Variants in DOP1B observed in about 807,000 individuals in gnomAD.
DOP1B encodes the protein DOP1 leucine zipper like protein B.
Under a neutral mutation model 233.5 loss-of-function variants are expected in DOP1B, and 174 were observed. The observed-to-expected ratio is 0.75, with a 90% CI of 0.66 to 0.85. The LOEUF is 0.85. DOP1B is among the 40% of genes least tolerant of loss of function. The pLI, the probability that DOP1B is intolerant of heterozygous loss-of-function variation, is 0.00. For synonymous variants in DOP1B, 1,190 were observed against 1,185.6 expected, an observed-to-expected ratio of 1.00 and a Z score of -0.08; for missense variants, 2,652 against 2,846.6, an observed-to-expected ratio of 0.93 and a Z score of 1.56.
At chr21:36,204,276 T>A (rs2066403765) in intron 4 of DOP1B, among the ~76,000 whole-genome samples, 1 of 152,222 alleles carries the variant, frequency 6.6e-6, no homozygotes, top group African/African-American at 2.4e-5. Flanking sequence ...AAACCCTGGC[T>A]TAAAGAGTTG....
chr21:36,176,394 C>T (rs2066031094), intron 2 of DOP1B, among the ~76,000 whole-genome samples: 1 of 152,142 alleles, frequency 6.6e-6, no homozygotes, highest in Non-Finnish European at 1.5e-5. Flanking sequence ...GCCCTGCCAG[C>T]CTCCTTGTGT....
Position 36,236,085 on chromosome 21 carries a change from C to T in DOP1B, c.2623-1177C>T, listed in dbSNP as rs554885592. On this transcript the variant is annotated intron_variant, in intron 15 of 36. Coordinates refer to ENST00000691173, the MANE Select transcript of DOP1B (RefSeq NM_001320714.2). ...GATCTAAGTTATGCCTAAAATACTC[C>T]AGTCTATGAGATATAAACTTCATAT... 2.0e-5 allele frequency among the ~76,000 whole-genome samples: 3 copies of T among 152,230 alleles called. No individual in the cohort carries two copies. In the South Asian group the frequency reaches 6.2e-4, roughly 32 times the overall value.
At chr21:36,260,637 C>T in intron 23 of DOP1B, 40 bp from the exon 24 acceptor site, 1 of 1,611,748 alleles carries the variant, frequency 6.2e-7, no homozygotes, top group Non-Finnish European at 8.5e-7. Context: ...AGCCTTATTT[C>T]CCACCAACTC....
intron 9 of DOP1B, 136 bp downstream of exon 9, chr21:36,214,692 C>T (rs561307798): frequency 7.2e-6 from 6 of 831,130 alleles, no homozygotes; most frequent in Non-Finnish European, 1.1e-5. Context: ...ACTTTGAAGT[C>T]ATGTTATATG....
chr21:36,183,563 G>A (rs1049945000), intron 2 of DOP1B, among the ~76,000 whole-genome samples: 1 of 152,224 alleles, frequency 6.6e-6, no homozygotes, highest in Non-Finnish European at 1.5e-5. Flanking sequence ...GTGTCTTGCA[G>A]CTGTTGGAGT....
At chr21:36,268,217 T>C (rs112132743) in intron 26 of DOP1B, among the ~76,000 whole-genome samples, 2,390 of 152,226 alleles carry the variant, frequency 0.016, 68 homozygotes, top group African/African-American at 0.054. Flanking sequence ...TGGCTGTTTA[T>C]AGACCTCACC....
intron 2 of DOP1B, among the ~76,000 whole-genome samples, chr21:36,173,713 G>A (rs1246553760): frequency 2.0e-5 from 3 of 152,086 alleles, no homozygotes; most frequent in Admixed American, 6.5e-5. Flanking sequence ...GTGAGCCGCC[G>A]CGCCCGGCCC....
At chr21:36,283,035 T>C (rs2067435700) in intron 32 of DOP1B, among the ~76,000 whole-genome samples, 1 of 151,314 alleles carries the variant, frequency 6.6e-6, no homozygotes, top group Admixed American at 6.6e-5. Context: ...TTTTTTTTTT[T>C]TTTCCTTCTC....
At chr21:36,276,422 T>G (rs1316034250) in intron 27 of DOP1B, among the ~76,000 whole-genome samples, 1 of 152,040 alleles carries the variant, frequency 6.6e-6, no homozygotes, top group African/African-American at 2.4e-5. Flanking sequence ...CCCCAGCTAC[T>G]CGGGAGGCTA....
chr21:36,206,270 C>T (rs552577954), intron 4 of DOP1B, among the ~76,000 whole-genome samples: 63 of 152,214 alleles, frequency 4.1e-4, no homozygotes, highest in Non-Finnish European at 7.6e-4. Context: ...CAGTGGCTCA[C>T]ACCTGTAGTC....
chr21:36,290,251 G>C (rs1036798453), intron 35 of DOP1B, among the ~76,000 whole-genome samples: 1 of 152,252 alleles, frequency 6.6e-6, no homozygotes, highest in Non-Finnish European at 1.5e-5. Flanking sequence ...TGGGCCGGAC[G>C]TGGTGTCTCA....
chr21:36,165,594 G>A (rs1229655379), intron 2 of DOP1B, among the ~76,000 whole-genome samples: 1 of 152,200 alleles, frequency 6.6e-6, no homozygotes, highest in South Asian at 2.1e-4. Flanking sequence ...CGGTGCGAGC[G>A]AGCATTACTG....
At chr21:36,277,150 G>T in intron 28 of DOP1B, 50 bp downstream of exon 28, 1 of 1,584,894 alleles carries the variant, frequency 6.3e-7, no homozygotes. Context: ...GCGCCATCAC[G>T]AATTGTTGCA....
intron 1 of DOP1B, among the ~76,000 whole-genome samples, chr21:36,162,786 C>G (rs576571392): frequency 1.4e-4 from 22 of 152,124 alleles, no homozygotes; most frequent in Non-Finnish European, 2.5e-4. Flanking sequence ...CTCAAGTGAT[C>G]TGCCCGCCTT....
intron 22 of DOP1B, among the ~76,000 whole-genome samples, chr21:36,252,498 A>G (rs2067042536): frequency 6.6e-6 from 1 of 151,572 alleles, no homozygotes; most frequent in East Asian, 1.9e-4. Context: ...GTCCATGATA[A>G]TAAAGAAAAT....
chr21:36,201,787 G>A (rs2066370682), intron 4 of DOP1B, among the ~76,000 whole-genome samples: 3 of 152,164 alleles, frequency 2.0e-5, no homozygotes, highest in Admixed American at 1.3e-4. Flanking sequence ...GTAGCACCTT[G>A]GAGAAATCTA....
chr21:36,211,420 C>T (rs2066496786), intron 5 of DOP1B, 133 bp from the exon 6 acceptor site: 2 of 772,184 alleles, frequency 2.6e-6, no homozygotes, highest in South Asian at 1.7e-5. Context: ...CCCACACCCT[C>T]CTGACCTGTG....
At chr21:36,282,392 T>C (rs1260464995) in intron 32 of DOP1B, among the ~76,000 whole-genome samples, 1 of 152,196 alleles carries the variant, frequency 6.6e-6, no homozygotes, top group Admixed American at 6.6e-5. Flanking sequence ...CACTCCAGCC[T>C]GGGCAACAAG....
At chr21:36,157,316 C>G (rs970216972) in intron 1 of DOP1B, among the ~76,000 whole-genome samples, 5 of 152,126 alleles carry the variant, frequency 3.3e-5, no homozygotes, top group African/African-American at 1.2e-4. Context: ...CCGGGGCCGG[C>G]CCACGAAGAG....
Sources: allele counts gnomAD v4.1 joint callset (sites outside exome capture counted in the v4.1 genomes callset), GRCh38; gene constraint gnomAD v4.1.1; transcripts MANE v1.5; gene names NCBI Gene and HGNC (gene_info 2026-07-23, HGNC 2026-07-21).